TTI1: variants seen among roughly 807,000 people sequenced by gnomAD.
The protein encoded by TTI1 is TELO2 interacting protein 1.
In TTI1, 52 loss-of-function variants were observed where a neutral mutation model predicts 85.4. The observed-to-expected ratio is 0.61, with a 90% confidence interval of 0.49 to 0.77. The LOEUF is 0.77. TTI1 is among the 30% of genes least tolerant of loss of function. TTI1 has a pLI of 0.00. For synonymous variants in TTI1, 512 were observed against 503.9 expected, an observed-to-expected ratio of 1.02 and a Z score of -0.22; for missense variants, 1,173 against 1,296.0, an observed-to-expected ratio of 0.91 and a Z score of 1.46.
chr20:38,005,932 C>T lies in TTI1; in HGVS notation c.2503+265G>A, dbSNP rs1468634632. 1.2e-5 allele frequency: 5 copies of T among 422,416 alleles called. No homozygotes were observed. The East Asian group carries it at 1.6e-4, about 13-fold the overall frequency. 26.2% of individuals were successfully genotyped at this position (422,416 alleles called of 1,614,324 possible). The stretch of plus-strand genomic sequence containing the variant: ...GGACACTTAGTAACAGCTATTAAAA[C>T]GTTAATGATCAAAATTCAACGGCAA... On this transcript the variant is annotated intron_variant, in intron 3 of 7. Coordinates refer to ENST00000373447, the MANE Select transcript of TTI1 (RefSeq NM_001303457.2).
intron 4 of TTI1, among the ~76,000 whole-genome samples, chr20:38,000,939 G>A (rs1022856537): frequency 6.6e-6 from 1 of 152,188 alleles, no homozygotes; most frequent in Non-Finnish European, 1.5e-5. Context: ...AAATCAGAAG[G>A]TAAGCTCTGT....
intron 1 of TTI1, among the ~76,000 whole-genome samples, chr20:38,014,904 A>G (rs536599361): frequency 6.6e-6 from 1 of 152,346 alleles, no homozygotes; most frequent in South Asian, 2.1e-4. Context: ...GAAGACTTAC[A>G]AAAGTGTGGC....
rs542099656 is a variant in TTI1 at position 38,023,726 on chromosome 20, G to A, written c.-42+9678C>T. ...GTTTAATAAATAAGTAAAAGAAGCTGGATAAACATTAACCCTTCAGCATAT... is the reference window on the plus strand; with the variant it reads ...GTTTAATAAATAAGTAAAAGAAGCTAGATAAACATTAACCCTTCAGCATAT... On this transcript the variant is annotated intron_variant, in intron 1 of 7. Coordinates refer to ENST00000373447, the MANE Select transcript of TTI1 (RefSeq NM_001303457.2). Among the ~76,000 whole-genome samples, 36 of 152,284 alleles carry A rather than the reference G, an allele frequency of 2.4e-4. No homozygotes were observed. In the South Asian group the frequency reaches 7.5e-3, roughly 32 times the overall value.
At chr20:38,010,180 C>T (rs967604387) in intron 2 of TTI1, among the ~76,000 whole-genome samples, 1 of 152,174 alleles carries the variant, frequency 6.6e-6, no homozygotes, top group Non-Finnish European at 1.5e-5. Flanking sequence ...CATGAATAAA[C>T]AAACACTGGA....
chr20:38,002,822 A>T lies in TTI1; in HGVS notation c.2504-46T>A, dbSNP rs777538263. Reference sequence around the variant, plus strand: ...GGGGCAGTGTTGTATGAGTGATAAAACAGAGATACCTAAATTTCTGTTCTT... The same window carrying T: ...GGGGCAGTGTTGTATGAGTGATAAATCAGAGATACCTAAATTTCTGTTCTT... On this transcript the variant is annotated intron_variant, in intron 3 of 7. Transcript: ENST00000373447. The T allele has an allele frequency of 6.3e-6, 10 of 1,598,738 alleles. No individual in the cohort carries two copies. The South Asian group carries it at 8.8e-5, about 14-fold the overall frequency.
chr20:37,983,416 T>C lies in TTI1; in HGVS notation c.*40A>G. On this transcript the variant is annotated 3_prime_UTR_variant, in exon 8 of 8. Transcript: ENST00000373447. ...GGTCAGCCCAGCTTCTGGCTGGCAG[T>C]AGGGGAGGGATCGGTGGCCTCTGTG... is the stretch of plus-strand genomic sequence containing the variant. 6.3e-7 allele frequency: 1 copy of C among 1,590,380 alleles called. No individual in the cohort carries two copies. Among genetic ancestry groups the C allele is most frequent in the Non-Finnish European group, 8.5e-7 (1 of 1,170,788 alleles).
intron 2 of TTI1, among the ~76,000 whole-genome samples, chr20:38,007,622 G>GA (rs2073520530): frequency 6.6e-6 from 1 of 152,212 alleles, no homozygotes; most frequent in Non-Finnish European, 1.5e-5. Context: ...CCCACAGCCT[G>GA]AAAATCACTG....
intron 3 of TTI1, among the ~76,000 whole-genome samples, chr20:38,004,961 G>C (rs2073475176): frequency 6.6e-6 from 1 of 152,170 alleles, no homozygotes; most frequent in African/African-American, 2.4e-5. Flanking sequence ...ATAGATTTCT[G>C]ATCAGAAAAC....
rs969509394 is a variant in TTI1, at chr20:38,013,735, C to A, written c.82G>T (p.Glu28Ter). 8 of 1,614,080 alleles carry A rather than the reference C, an allele frequency of 5.0e-6. No homozygotes were observed. The African/African-American group carries it at 9.3e-5, about 19-fold the overall frequency. The change falls in exon 2 of 8, where the codon GAG (glutamate) becomes TAG (stop). Residue 28 changes from glutamate to a stop codon, truncating the protein, a stop_gained. Coordinates refer to ENST00000373447, the MANE Select transcript of TTI1 (RefSeq NM_001303457.2). LOFTEE classifies it high-confidence loss of function. Reference sequence around the variant, plus strand: ...CGTGTCTGCAGATGCTCCACATTCTCCACTGTCTGGGTCTTTGTGAGCTGA... The same window carrying A: ...CGTGTCTGCAGATGCTCCACATTCTACACTGTCTGGGTCTTTGTGAGCTGA... ...CVQLTKTQTV[E>*]NVEHLQTRLQ...
Position 38,012,605 on chromosome 20 carries a change from T to C in TTI1, c.1212A>G (p.Leu404=). 6.2e-7 allele frequency: 1 copy of C among 1,614,112 alleles called. No homozygotes were observed. The highest frequency in any genetic ancestry group is 8.5e-7 in the Non-Finnish European group (1 of 1,180,022). ...GGCCCAAGAGTTTCAGATAACCAAG[T>C]AACAAGGAAAGAGTAGAGAATTTGC... is the stretch of plus-strand genomic sequence containing the variant. ...DQGKFSTLSL[L]LGYLKLLGPK... Residue 404 remains leucine (L), a synonymous_variant, in exon 2 of 8, where the codon TTA becomes TTG. Transcript: ENST00000373447.
At position 38,012,554 on chromosome 20, in the gene TTI1, A is replaced by G. The variant is rs760397829; in HGVS notation, c.1263T>C (p.Ser421=). Residue 421 remains serine (S), a synonymous_variant, in exon 2 of 8, where the codon TCT becomes TCC. Coordinates refer to ENST00000373447, the MANE Select transcript of TTI1 (RefSeq NM_001303457.2). The part of the protein sequence containing the change: ...LGPKINFVLN[S]VAHLQRLSKA... ...TGGAAAGCCGCTGGAGATGGGCCACAGAGTTGAGGACAAAGTTTATTTTTG... is the reference window on the plus strand; with the variant it reads ...TGGAAAGCCGCTGGAGATGGGCCACGGAGTTGAGGACAAAGTTTATTTTTG... The G allele has an allele frequency of 1.2e-6, 2 of 1,614,100 alleles. No individual in the cohort carries two copies. The highest frequency in any genetic ancestry group is 2.2e-5 in the East Asian group (1 of 44,896).
chr20:38,003,127 A>G (rs2073449331), intron 3 of TTI1, among the ~76,000 whole-genome samples: 1 of 151,966 alleles, frequency 6.6e-6, no homozygotes, highest in South Asian at 2.1e-4. Context: ...TGCCCAACTA[A>G]TTTTTAAATT....
rs371168830 is a variant in TTI1 at position 38,012,481 on chromosome 20, C to T, written c.1336G>A (p.Val446Ile). Residue 446 changes from valine to isoleucine, a missense_variant, in exon 2 of 8, where the codon GTT (valine) becomes ATT (isoleucine). Physicochemically the swap from Val to Ile is conservative, Grantham distance 29. Transcript: ENST00000373447. ...LELDVADIKI[V>I]EERRWNSDDL... ...TCAGAGTTCCAACGCCGTTCCTCAA[C>T]AATCTTGATGTCAGCCACGTCTAGC... 138 of 1,614,084 alleles carry T rather than the reference C, an allele frequency of 8.5e-5. No homozygotes were observed. Among genetic ancestry groups the T allele is most frequent in the Non-Finnish European group, 1.1e-4 (132 of 1,180,056 alleles).
chr20:38,011,015 G>A lies in TTI1; in HGVS notation c.2302+500C>T, dbSNP rs115779742. On this transcript the variant is annotated intron_variant, in intron 2 of 7. Coordinates refer to ENST00000373447, the MANE Select transcript of TTI1 (RefSeq NM_001303457.2). Reference sequence around the variant, plus strand: ...TAGTGGTAACTGTACTGGATAGAACGAATAAAGATTATTTCTATCATCAAA... The same window carrying A: ...TAGTGGTAACTGTACTGGATAGAACAAATAAAGATTATTTCTATCATCAAA... Among the ~76,000 whole-genome samples the A allele has an allele frequency of 6.2e-3, 942 of 152,256 alleles. 9 individuals are homozygous for A. Among genetic ancestry groups the A allele is most frequent in the African/African-American group, 0.021 (892 of 41,546 alleles).
chr20:38,001,003 G>A lies in TTI1; in HGVS notation c.2652+1625C>T, dbSNP rs1329657955. 2.0e-5 allele frequency among the ~76,000 whole-genome samples: 3 copies of A among 152,122 alleles called. No homozygotes were observed. The East Asian group carries it at 5.8e-4, about 29-fold the overall frequency. Reference sequence around the variant, plus strand: ...GGTACCCAACACGTATCTGCCGCATGGGTGAATTACTATTTTCTATCAAAT... The same window carrying A: ...GGTACCCAACACGTATCTGCCGCATAGGTGAATTACTATTTTCTATCAAAT... On this transcript the variant is annotated intron_variant, in intron 4 of 7. Transcript: ENST00000373447.
intron 7 of TTI1, among the ~76,000 whole-genome samples, chr20:37,992,320 G>A (rs1360571089): frequency 2.0e-5 from 3 of 152,050 alleles, no homozygotes; most frequent in Non-Finnish European, 4.4e-5. Flanking sequence ...CTGTTGCCCA[G>A]GCTGGAGTGC....
At chr20:38,005,144 T>C (rs1047910081) in intron 3 of TTI1, among the ~76,000 whole-genome samples, 4 of 151,358 alleles carry the variant, frequency 2.6e-5, no homozygotes, top group African/African-American at 9.7e-5. Context: ...ACAGTGGAGA[T>C]CACCAAAAGG....
At chr20:37,991,719 A>G (rs1568608845) in intron 7 of TTI1, among the ~76,000 whole-genome samples, 2 of 152,250 alleles carry the variant, frequency 1.3e-5, no homozygotes, top group African/African-American at 4.8e-5. Flanking sequence ...CATGTATAAC[A>G]TATTTGGGAA....
At chr20:38,025,506 T>C (rs1267762527) in intron 1 of TTI1, among the ~76,000 whole-genome samples, 1 of 151,194 alleles carries the variant, frequency 6.6e-6, no homozygotes. Flanking sequence ...AAGGTGGAGG[T>C]TGCAGTGAGC....
Sources: gnomAD v4.1 joint callset for allele counts (sites outside exome capture counted in the v4.1 genomes callset) on GRCh38, gnomAD v4.1.1 for gene constraint, MANE v1.5 for transcripts, NCBI Gene and HGNC (gene_info 2026-07-23, HGNC 2026-07-21) for gene names.